The following ZYG11B variants were observed in gnomAD, a reference collection of about 807,000 sequenced individuals.
ZYG11B encodes protein zyg-11 homolog B.
A neutral mutation model predicts 82.4 loss-of-function variants in ZYG11B; 36 were observed. The ratio of observed to expected loss-of-function variants is 0.44; its 90% CI spans 0.33 to 0.58. ZYG11B has a LOEUF of 0.58. ZYG11B is among the 20% of genes least tolerant of loss of function. The pLI is 0.02. For missense variants in ZYG11B, 552 were observed against 895.6 expected, an observed-to-expected ratio of 0.62 and a Z score of 4.90; for synonymous variants, 303 against 312.8, an observed-to-expected ratio of 0.97 and a Z score of 0.33.
In ZYG11B at chr1:52,797,172, A is replaced by ATATATTATATATTATATAT. The variant is rs1351911429; in HGVS notation, c.1485+393_1485+394insTATATATTATATATTATAT. Among the ~76,000 whole-genome samples, 5 of 68,930 alleles carry ATATATTATATATTATATAT rather than the reference A, an allele frequency of 7.3e-5. 1 individual carries two copies. In the South Asian group the frequency reaches 2.0e-3, roughly 27 times the overall value. The allele number at this position is 68,930 out of a possible 152,430, so 45.2% of individuals were successfully genotyped here. On this transcript the variant is annotated intron_variant, in intron 8 of 13. Transcript: ENST00000294353. ...ATTATATATTTATATATTATATATT[A>ATATATTATATATTATATAT]TATATATTTATATATTATATATAAA...
At chr1:52,745,628 G>A (rs377730541) in intron 1 of ZYG11B, among the ~76,000 whole-genome samples, 11 of 129,792 alleles carry the variant, frequency 8.5e-5, no homozygotes, top group African/African-American at 2.0e-4. Context: ...GCAGTGGCGC[G>A]ATCTTGGCTC....
chr1:52,786,324 G>T (rs1019976293), intron 5 of ZYG11B, among the ~76,000 whole-genome samples: 3 of 152,246 alleles, frequency 2.0e-5, no homozygotes, highest in South Asian at 2.1e-4. Context: ...AAATGTTTGG[G>T]ATGATGAAAT....
intron 1 of ZYG11B, among the ~76,000 whole-genome samples, chr1:52,755,436 T>A: frequency 6.6e-6 from 1 of 152,230 alleles, no homozygotes; most frequent in Non-Finnish European, 1.5e-5. Flanking sequence ...TTTGTTTTTC[T>A]TTTCCAAGAT....
At chr1:52,790,096 G>T in intron 6 of ZYG11B, 29 bp downstream of exon 6, 1 of 1,492,370 alleles carries the variant, frequency 6.7e-7, no homozygotes, top group South Asian at 1.4e-5. Flanking sequence ...ACTTAAAGTG[G>T]GGCAAAACAG....
In ZYG11B at chr1:52,822,975, CAG is replaced by C. The variant is rs1366423857; in HGVS notation, c.*1350_*1351del. The C allele has an allele frequency of 3.9e-5, 6 of 152,104 alleles. No individual in the cohort carries two copies. The highest frequency in any genetic ancestry group is 2.1e-4 in the South Asian group (1 of 4,812). 9.4% of individuals were successfully genotyped at this position (152,104 alleles called of 1,614,324 possible). A position where few individuals can be genotyped will look rare whatever the true frequency, so the allele number is the denominator to read the frequency against. On this transcript the variant is annotated 3_prime_UTR_variant, in exon 14 of 14. Transcript: ENST00000294353. Reference sequence around the variant, plus strand: ...TTTCATAGATGGCCAGTGTTTTCAACAGAGATTTAAAATGGAATATTAAAATT... The same window carrying C: ...TTTCATAGATGGCCAGTGTTTTCAACAGATTTAAAATGGAATATTAAAATT...
At chr1:52,820,986 A>T (rs1645278117) in intron 13 of ZYG11B, among the ~76,000 whole-genome samples, 1 of 151,730 alleles carries the variant, frequency 6.6e-6, no homozygotes, top group Non-Finnish European at 1.5e-5. Context: ...CTGTATTTCC[A>T]GGCTGAGGCA....
chr1:52,796,607 G>T, intron 7 of ZYG11B, 127 bp from the exon 8 acceptor site: 1 of 913,160 alleles, frequency 1.1e-6, no homozygotes, highest in East Asian at 2.8e-5. Context: ...CCCAAAAACC[G>T]ATATGCAGCA....
intron 4 of ZYG11B, among the ~76,000 whole-genome samples, chr1:52,782,049 G>C (rs1038761594): frequency 6.6e-5 from 10 of 151,848 alleles, no homozygotes; most frequent in African/African-American, 1.9e-4. Context: ...GAAGAATATA[G>C]GCTATTTATT....
rs1334595561 is a variant in ZYG11B at position 52,813,643 on chromosome 1, T to C, written c.1803T>C (p.Phe601=). The C allele has an allele frequency of 6.2e-7, 1 of 1,614,170 alleles. No individual in the cohort carries two copies. The highest frequency in any genetic ancestry group is 8.5e-7 in the Non-Finnish European group (1 of 1,180,030). ...LHSVEVEVSY[F]AAGIIAHLIS... The stretch of plus-strand genomic sequence containing the variant: ...GTGTGGAAGTGGAAGTCAGTTACTT[T>C]GCAGCTGGAATTATTGCCCATTTAA... The change falls in exon 11 of 14, where the codon TTT becomes TTC. Residue 601 remains phenylalanine, a synonymous_variant. Coordinates refer to ENST00000294353, the MANE Select transcript of ZYG11B (RefSeq NM_024646.3).
At chr1:52,780,921 T>G (rs1644850962) in intron 4 of ZYG11B, among the ~76,000 whole-genome samples, 1 of 151,994 alleles carries the variant, frequency 6.6e-6, no homozygotes, top group Admixed American at 6.6e-5. Flanking sequence ...GGCAGGTGGG[T>G]CACTTGGGGC....
rs561841835 is a variant in ZYG11B, at chr1:52,729,164, G to A, written c.30+2481G>A. On this transcript the variant is annotated intron_variant, in intron 1 of 13. Coordinates refer to ENST00000294353, the MANE Select transcript of ZYG11B (RefSeq NM_024646.3). ...TCACCTTTTCACTGTTTTCACACAT[G>A]GTGGCAGGGGCCAGGCAGCTCTCTG... Among the ~76,000 whole-genome samples the A allele has an allele frequency of 3.3e-5, 5 of 152,266 alleles. No homozygotes were observed. In the South Asian group the frequency reaches 1.0e-3, roughly 32 times the overall value.
At chr1:52,766,447 A>G (rs1468240995) in intron 2 of ZYG11B, among the ~76,000 whole-genome samples, 1 of 151,084 alleles carries the variant, frequency 6.6e-6, no homozygotes, top group African/African-American at 2.4e-5. Context: ...TGAAAATTTA[A>G]TTGCATTTTT....
chr1:52,771,014 C>A lies in ZYG11B; in HGVS notation c.197-6C>A. 1 of 1,589,958 alleles carries A rather than the reference C, an allele frequency of 6.3e-7. No individual in the cohort carries two copies. Among genetic ancestry groups the A allele is most frequent in the Non-Finnish European group, 8.6e-7 (1 of 1,165,766 alleles). The stretch of plus-strand genomic sequence containing the variant: ...TGAATTTAAAACGCTGCTTGTTTTT[C>A]CACAGGTCTATTGAATGATGGAACT... On this transcript the variant is annotated splice_polypyrimidine_tract_variant and splice_region_variant and intron_variant, in intron 2 of 13. Coordinates refer to ENST00000294353, the MANE Select transcript of ZYG11B (RefSeq NM_024646.3). The surrounding 1 kb of genome is among the most constrained non-coding windows in gnomAD (Gnocchi z 5.4).
At chr1:52,731,948 C>T (rs901556195) in intron 1 of ZYG11B, among the ~76,000 whole-genome samples, 18 of 152,144 alleles carry the variant, frequency 1.2e-4, no homozygotes, top group Non-Finnish European at 1.5e-4. Flanking sequence ...GGACTACAGG[C>T]GTGCAGTACC....
intron 2 of ZYG11B, among the ~76,000 whole-genome samples, chr1:52,770,675 T>C (rs975225677): frequency 1.3e-5 from 2 of 152,186 alleles, no homozygotes; most frequent in African/African-American, 2.4e-5. Flanking sequence ...CTTCAACATA[T>C]AGTGCATTGG....
intron 1 of ZYG11B, among the ~76,000 whole-genome samples, chr1:52,750,295 G>A (rs541249561): frequency 9.4e-5 from 14 of 149,492 alleles, no homozygotes; most frequent in African/African-American, 2.5e-4. Context: ...TTTTTGAGAC[G>A]GAGTTTCACT....
intron 1 of ZYG11B, among the ~76,000 whole-genome samples, chr1:52,741,315 A>AAAAAAAAAAAAAAAAAAG (rs1553257617): frequency 2.1e-5 from 3 of 142,600 alleles, no homozygotes; most frequent in African/African-American, 8.6e-5. Context: ...AAAAAAAAAA[A>AAAAAAAAAAAAAAAAAAG]AAAAGAAAAG....
chr1:52,748,898 T>A (rs1473264398), intron 1 of ZYG11B, among the ~76,000 whole-genome samples: 3 of 101,574 alleles, frequency 3.0e-5, no homozygotes, highest in African/African-American at 1.3e-4. Context: ...TGAGCTTCCA[T>A]CTCAAAAAAA....
chr1:52,783,985 C>CGTAT (rs143550867), intron 4 of ZYG11B, among the ~76,000 whole-genome samples: 29 of 146,242 alleles, frequency 2.0e-4, no homozygotes, highest in East Asian at 1.8e-3. Context: ...CACACACACA[C>CGTAT]ATATATATAT....
Sources: allele counts gnomAD v4.1 joint callset (sites outside exome capture counted in the v4.1 genomes callset), GRCh38; gene constraint gnomAD v4.1.1; non-coding constraint Gnocchi (gnomAD v3.1); transcripts MANE v1.5; gene names NCBI Gene and HGNC (gene_info 2026-07-23, HGNC 2026-07-21).